Variants in CDH18 observed in about 807,000 individuals in gnomAD.
The protein encoded by CDH18 is cadherin 18, also known as cadherin-18.
Under a neutral mutation model 67.9 loss-of-function variants are expected in CDH18, and 31 were observed. That is an observed-to-expected ratio of 0.46 (90% CI 0.34 to 0.62). The LOEUF (loss-of-function observed/expected upper bound fraction) is 0.62. Among genes scored for constraint, CDH18 ranks in the 20% least tolerant of loss-of-function variants. CDH18 has a pLI of 0.01. For synonymous variants in CDH18, 362 were observed against 347.2 expected, an observed-to-expected ratio of 1.04 and a Z score of -0.48; for missense variants, 890 against 975.5, an observed-to-expected ratio of 0.91 and a Z score of 1.17.
chr5:20,079,900 C>T (rs907731550), intron 2 of CDH18, among the ~76,000 whole-genome samples: 1 of 151,998 alleles, frequency 6.6e-6, no homozygotes, highest in African/African-American at 2.4e-5. Flanking sequence ...TGTATTTTGA[C>T]AAAGCTGAGA....
intron 6 of CDH18, among the ~76,000 whole-genome samples, chr5:19,594,316 T>G (rs1462631021): frequency 6.6e-6 from 1 of 152,024 alleles, no homozygotes; most frequent in African/African-American, 2.4e-5. Flanking sequence ...CACACACAGC[T>G]AATTTTTTGT....
chr5:20,545,821 C>T (rs543754112), intron 1 of CDH18, among the ~76,000 whole-genome samples: 6 of 152,160 alleles, frequency 3.9e-5, no homozygotes, highest in African/African-American at 7.2e-5. Flanking sequence ...CTGGGGCTGG[C>T]GTGAATAATT....
At chr5:20,054,930 A>C (rs1342387241) in intron 2 of CDH18, among the ~76,000 whole-genome samples, 2 of 152,198 alleles carry the variant, frequency 1.3e-5, no homozygotes, top group Non-Finnish European at 2.9e-5. Context: ...TTAGAGGATG[A>C]GAAAAGACAG....
intron 1 of CDH18, among the ~76,000 whole-genome samples, chr5:20,561,130 A>C (rs1758184710): frequency 6.6e-6 from 1 of 152,140 alleles, no homozygotes; most frequent in Non-Finnish European, 1.5e-5. Context: ...GATATGAAGC[A>C]ACAGGAACTT....
At chr5:20,349,559 G>A (rs1489889469) in intron 1 of CDH18, among the ~76,000 whole-genome samples, 3 of 152,194 alleles carry the variant, frequency 2.0e-5, no homozygotes, top group Admixed American at 6.5e-5. Flanking sequence ...GATTATTGAA[G>A]AGAAGTTCTT....
intron 6 of CDH18, among the ~76,000 whole-genome samples, chr5:19,593,707 C>CCTCCTTCTTTTTCTT: frequency 3.0e-5 from 1 of 33,402 alleles, no homozygotes; most frequent in Non-Finnish European, 5.5e-5. Flanking sequence ...TCCTCCTCCT[C>CCTCCTTCTTTTTCTT]CTTCTTCTTC....
At chr5:19,638,901 C>T (rs2150213836) in intron 5 of CDH18, among the ~76,000 whole-genome samples, 1 of 142,966 alleles carries the variant, frequency 7.0e-6, no homozygotes, top group Non-Finnish European at 1.5e-5. Context: ...TTAGTTTCTT[C>T]AGACTTTTTG....
intron 1 of CDH18, among the ~76,000 whole-genome samples, chr5:20,556,326 G>A (rs757024513): frequency 5.3e-5 from 8 of 152,108 alleles, no homozygotes; most frequent in Non-Finnish European, 1.2e-4. Flanking sequence ...CTTAGGAGAC[G>A]AATGTGGTAA....
At chr5:20,455,522 G>C (rs901274955) in intron 1 of CDH18, among the ~76,000 whole-genome samples, 1 of 152,104 alleles carries the variant, frequency 6.6e-6, no homozygotes, top group Non-Finnish European at 1.5e-5. Flanking sequence ...AATAGAATGA[G>C]AAGAGGGGAT....
intron 2 of CDH18, among the ~76,000 whole-genome samples, chr5:20,152,797 T>C (rs1751226137): frequency 6.6e-6 from 1 of 152,100 alleles, no homozygotes; most frequent in East Asian, 1.9e-4. Flanking sequence ...AAAGACCCTA[T>C]ACAGTTGTAG....
intron 2 of CDH18, among the ~76,000 whole-genome samples, chr5:20,247,449 T>C (rs553877603): frequency 2.6e-5 from 4 of 152,228 alleles, no homozygotes; most frequent in African/African-American, 9.6e-5. Flanking sequence ...CTAGGTAAGA[T>C]GAAATTGGTA....
intron 1 of CDH18, among the ~76,000 whole-genome samples, chr5:20,451,285 C>T (rs900648430): frequency 2.0e-5 from 3 of 152,134 alleles, no homozygotes; most frequent in Non-Finnish European, 4.4e-5. Context: ...TGAATGAATA[C>T]ATATTTGTGA....
chr5:20,221,193 A>G (rs555591657), intron 2 of CDH18, among the ~76,000 whole-genome samples: 18 of 152,290 alleles, frequency 1.2e-4, no homozygotes, highest in African/African-American at 4.3e-4. Context: ...CACAATAGCC[A>G]AGATTTGGAA....
chr5:19,681,771 C>T (rs1760364019), intron 5 of CDH18, among the ~76,000 whole-genome samples: 1 of 151,768 alleles, frequency 6.6e-6, no homozygotes, highest in African/African-American at 2.4e-5. Flanking sequence ...AATATTTACC[C>T]TAACCTGTTA....
At chr5:19,763,974 C>T (rs1263635151) in intron 3 of CDH18, among the ~76,000 whole-genome samples, 2 of 137,552 alleles carry the variant, frequency 1.5e-5, no homozygotes, top group Non-Finnish European at 3.1e-5. Flanking sequence ...CATGATGAAA[C>T]CTCGTCTCTA....
In CDH18 at chr5:19,942,424, T is replaced by C. The variant is rs528912750; in HGVS notation, c.-257+38636A>G. On this transcript the variant is annotated intron_variant, in intron 2 of 12. Transcript: ENST00000382275. ...TACCATTTAGAAGTGTCTCTTTGAT[T>C]CTCAATTCATATACAAATAAAATAT... 2.0e-5 allele frequency among the ~76,000 whole-genome samples: 3 copies of C among 152,332 alleles called. No homozygotes were observed. The East Asian group carries it at 5.8e-4, about 29-fold the overall frequency.
At chr5:20,074,872 A>C (rs1434779869) in intron 2 of CDH18, among the ~76,000 whole-genome samples, 1 of 152,186 alleles carries the variant, frequency 6.6e-6, no homozygotes, top group Non-Finnish European at 1.5e-5. Flanking sequence ...TAAATCCCTT[A>C]GAAAATGTAT....
chr5:20,029,599 G>A (rs1402154252), intron 2 of CDH18, among the ~76,000 whole-genome samples: 2 of 152,172 alleles, frequency 1.3e-5, no homozygotes, highest in Non-Finnish European at 2.9e-5. Flanking sequence ...GAGATTACCT[G>A]TGCAAATTAT....
intron 3 of CDH18, among the ~76,000 whole-genome samples, chr5:19,760,724 C>T (rs1772218979): frequency 6.6e-6 from 1 of 152,204 alleles, no homozygotes; most frequent in Non-Finnish European, 1.5e-5. Context: ...GTGTCACAAT[C>T]TCAACCTCAC....
Sources: gnomAD v4.1 joint callset for allele counts (sites outside exome capture counted in the v4.1 genomes callset) on GRCh38, gnomAD v4.1.1 for gene constraint, MANE v1.5 for transcripts, NCBI Gene and HGNC (gene_info 2026-07-23, HGNC 2026-07-21) for gene names.